SPDYE10: variants seen among roughly 807,000 people sequenced by gnomAD.
The protein encoded by SPDYE10 is speedy/RINGO cell cycle regulator family member E10.
At chr7:73,137,586 G>GATGA in the SPDYE10 span, among the ~76,000 whole-genome samples, 4 of 130,796 alleles carry the variant, frequency 3.1e-5, no homozygotes, top group East Asian at 2.0e-4. Flanking sequence ...AAGAAAGAAA[G>GATGA]AAGAGATGAA....
the SPDYE10 span, among the ~76,000 whole-genome samples, chr7:73,138,397 C>CA: frequency 1.3e-5 from 2 of 150,576 alleles, no homozygotes; most frequent in East Asian, 3.9e-4. Context: ...TTTTTTGAGA[C>CA]AGAGTCTCAC....
chr7:73,139,688 C>T, the SPDYE10 span, among the ~76,000 whole-genome samples: 8 of 148,436 alleles, frequency 5.4e-5, no homozygotes, highest in African/African-American at 1.5e-4. Flanking sequence ...GTGGAGTCTC[C>T]CTCTGTTGCC....
At chr7:73,131,539 C>A in the SPDYE10 span, among the ~76,000 whole-genome samples, 792 of 145,408 alleles carry the variant, frequency 5.4e-3, no homozygotes, top group East Asian at 0.052. Flanking sequence ...TTTTATTTTT[C>A]TTTTTCCTTT....
chr7:73,141,080 A>T, the SPDYE10 span, among the ~76,000 whole-genome samples: 2 of 143,676 alleles, frequency 1.4e-5, no homozygotes, highest in Non-Finnish European at 3.1e-5. Flanking sequence ...CCACACACAC[A>T]CACACACACA....
the SPDYE10 span, among the ~76,000 whole-genome samples, chr7:73,128,557 G>A: frequency 6.7e-6 from 1 of 149,750 alleles, no homozygotes; most frequent in East Asian, 1.9e-4. Context: ...TCATGTTGTT[G>A]AGTATCTCAA....
chr7:73,124,427 TTGAA>T, the SPDYE10 span, among the ~76,000 whole-genome samples: 2 of 147,658 alleles, frequency 1.4e-5, no homozygotes, highest in Admixed American at 7.0e-5. Flanking sequence ...ACCTGAAGAC[TTGAA>T]ATTGGTGTTC....
the SPDYE10 span, among the ~76,000 whole-genome samples, chr7:73,142,616 CA>C: frequency 6.6e-5 from 10 of 152,234 alleles, no homozygotes; most frequent in African/African-American, 2.4e-4. Context: ...TACCCAGCAC[CA>C]TGGGGCAGAA....
the SPDYE10 span, among the ~76,000 whole-genome samples, chr7:73,147,796 G>C: frequency 6.9e-6 from 1 of 144,956 alleles, no homozygotes; most frequent in Non-Finnish European, 1.5e-5. Flanking sequence ...TACCTGGCCT[G>C]TTTTTTGTTT....
the SPDYE10 span, among the ~76,000 whole-genome samples, chr7:73,123,398 C>A: frequency 1.3e-5 from 2 of 152,284 alleles, no homozygotes; most frequent in East Asian, 3.8e-4. Flanking sequence ...GAGGTCCCCA[C>A]CAGGTTTAAG....
chr7:73,128,066 T>C, the SPDYE10 span, among the ~76,000 whole-genome samples: 7 of 151,650 alleles, frequency 4.6e-5, no homozygotes, highest in East Asian at 1.9e-4. Context: ...ACAAAGTAAA[T>C]GTTCACCAAC....
the SPDYE10 span, chr7:73,155,091 G>GGCC: frequency 7.0e-6 from 1 of 142,706 alleles, no homozygotes; most frequent in African/African-American, 2.7e-5. Flanking sequence ...GGCCCGGCCC[G>GGCC]GCCGCCGCCG....
chr7:73,115,279 G>C, the SPDYE10 span, among the ~76,000 whole-genome samples: 1 of 152,108 alleles, frequency 6.6e-6, no homozygotes. Context: ...CAATTTATTT[G>C]AAAAGGAGGA....
the SPDYE10 span, among the ~76,000 whole-genome samples, chr7:73,123,216 T>C: frequency 6.6e-6 from 1 of 152,224 alleles, no homozygotes; most frequent in Non-Finnish European, 1.5e-5. Context: ...CTGTAGCTCT[T>C]GCCTGAGCCT....
chr7:73,148,946 C>CA, the SPDYE10 span, among the ~76,000 whole-genome samples: 5 of 112,920 alleles, frequency 4.4e-5, no homozygotes, highest in Admixed American at 4.8e-4. Flanking sequence ...TGCTACCCAA[C>CA]AAACCATTCC....
the SPDYE10 span, among the ~76,000 whole-genome samples, chr7:73,123,788 C>CCTCTCTCTCTCTCTCCCTCTCT: frequency 3.1e-5 from 3 of 97,456 alleles, no homozygotes; most frequent in East Asian, 6.4e-4. Context: ...TCTCTCTCTC[C>CCTCTCTCTCTCTCTCCCTCTCT]CTCTCTCTCT....
chr7:73,132,505 T>C, the SPDYE10 span, among the ~76,000 whole-genome samples: 4 of 151,326 alleles, frequency 2.6e-5, no homozygotes, highest in Middle Eastern at 3.4e-3. Context: ...TATGATCACA[T>C]CACTGCACTC....
the SPDYE10 span, among the ~76,000 whole-genome samples, chr7:73,115,263 G>T: frequency 6.6e-6 from 1 of 152,120 alleles, no homozygotes. Flanking sequence ...TCTACATCCT[G>T]ATGCACAATT....
the SPDYE10 span, among the ~76,000 whole-genome samples, chr7:73,123,788 C>CCTCTCTCTCTCTCTCTCT: frequency 7.4e-3 from 716 of 97,366 alleles, 16 homozygotes; most frequent in Non-Finnish European, 8.6e-3. Flanking sequence ...TCTCTCTCTC[C>CCTCTCTCTCTCTCTCTCT]CTCTCTCTCT....
chr7:73,128,126 G>A, the SPDYE10 span, among the ~76,000 whole-genome samples: 2 of 152,134 alleles, frequency 1.3e-5, no homozygotes, highest in Non-Finnish European at 2.9e-5. Context: ...TGTTGTAGCA[G>A]TTAAAATAAA....
Sources: allele counts gnomAD v4.1 joint callset (sites outside exome capture counted in the v4.1 genomes callset), GRCh38; gene constraint gnomAD v4.1.1; transcripts MANE v1.5; gene names NCBI Gene and HGNC (gene_info 2026-07-23, HGNC 2026-07-21).